The following CEP192 variants were observed in gnomAD, a reference collection of about 807,000 sequenced individuals.
CEP192 encodes centrosomal protein of 192 kDa.
Under a neutral mutation model 271.8 loss-of-function variants are expected in CEP192, and 151 were observed. That is an observed-to-expected ratio of 0.56 (90% CI 0.49 to 0.64). CEP192 has a LOEUF of 0.64. CEP192 is among the 30% of genes least tolerant of loss of function. The probability of loss-of-function intolerance (pLI) is 0.00; values close to 1 mark genes in which losing one functional copy is unlikely to be tolerated. For synonymous variants in CEP192, 995 were observed against 1,076.5 expected, an observed-to-expected ratio of 0.92 and a Z score of 1.48; for missense variants, 2,910 against 3,020.5, an observed-to-expected ratio of 0.96 and a Z score of 0.86.
chr18:13,102,145 C>T (rs1275378094), intron 38 of CEP192, among the ~76,000 whole-genome samples: 1 of 152,054 alleles, frequency 6.6e-6, no homozygotes. Flanking sequence ...CCCCCCACAG[C>T]TGGGGGCCCT....
intron 30 of CEP192, among the ~76,000 whole-genome samples, chr18:13,081,576 C>A (rs1351601611): frequency 2.0e-5 from 3 of 152,044 alleles, no homozygotes; most frequent in African/African-American, 7.2e-5. Flanking sequence ...TTGATCTTTT[C>A]AAAAAACCAG....
chr18:13,009,008 C>CTTT (rs1193857966), intron 4 of CEP192, among the ~76,000 whole-genome samples: 5 of 113,534 alleles, frequency 4.4e-5, no homozygotes, highest in Non-Finnish European at 5.0e-5. Flanking sequence ...TGTGCCTGGC[C>CTTT]TTTTTGTTTT....
chr18:13,014,427 A>T (rs1322954081), intron 5 of CEP192, among the ~76,000 whole-genome samples: 1 of 152,114 alleles, frequency 6.6e-6, no homozygotes, highest in East Asian at 1.9e-4. Context: ...CAGAATGGAG[A>T]CATTTTCCAG....
rs938578484 is a variant in CEP192 at position 13,017,089 on chromosome 18, C to T, written c.641-99C>T. 1.3e-5 allele frequency: 11 copies of T among 858,262 alleles called. No individual in the cohort carries two copies. In the South Asian group the frequency reaches 1.6e-4, roughly 12 times the overall value. 53.2% of individuals were successfully genotyped at this position (858,262 alleles called of 1,614,324 possible). A position where few individuals can be genotyped will look rare whatever the true frequency, so the allele number is the denominator to read the frequency against. ...ACAAAAAAGACACCAAAATCTTAGT[C>T]CATTGACTCATTTATGTCTTATCGG... On this transcript the variant is annotated intron_variant, in intron 6 of 44. Coordinates refer to ENST00000506447, the MANE Select transcript of CEP192 (RefSeq NM_032142.4).
intron 30 of CEP192, among the ~76,000 whole-genome samples, chr18:13,085,982 T>C (rs2038878415): frequency 6.6e-6 from 1 of 152,134 alleles, no homozygotes; most frequent in Admixed American, 6.5e-5. Flanking sequence ...TATAAATTAC[T>C]TTGGGCAGTA....
chr18:13,073,037 G>T lies in CEP192; in HGVS notation c.5468G>T (p.Arg1823Leu), dbSNP rs1598515788. The T allele has an allele frequency of 6.2e-7, 1 of 1,611,648 alleles. No homozygotes were observed. The highest frequency in any genetic ancestry group is 8.5e-7 in the Non-Finnish European group (1 of 1,179,328). ...CAGAACACTTTTGGTTCAGAACAGC[G>T]ATTGACCAGTAACTGTGAGATCAGA... ...QLQNTFGSEQ[R>L]LTSNCEIRIH... Residue 1823 changes from arginine to leucine, a missense_variant, in exon 30 of 45, where the codon CGA becomes CTA. By Grantham distance (102) the Arg-to-Leu change is moderately radical. Transcript: ENST00000506447.
rs774921959 is a variant in CEP192 at position 13,068,920 on chromosome 18, C to T, written c.4891C>T (p.Pro1631Ser). 10 of 1,614,142 alleles carry T rather than the reference C, an allele frequency of 6.2e-6. No homozygotes were observed. Among genetic ancestry groups the T allele is most frequent in the Non-Finnish European group, 8.5e-6 (10 of 1,180,020 alleles). ...CGAAGTTGACAGCCCAAACCCTACGCCCGTTCTTAGAAGTGTGAGTCTCCG... is the reference window on the plus strand; with the variant it reads ...CGAAGTTGACAGCCCAAACCCTACGTCCGTTCTTAGAAGTGTGAGTCTCCG... ...DIEVDSPNPT[P>S]VLRSVSLRAR... is the part of the protein sequence containing the mutation. The change falls in exon 25 of 45, where the codon CCC becomes TCC. Residue 1631 changes from proline to serine, a missense_variant. Coordinates refer to ENST00000506447, the MANE Select transcript of CEP192 (RefSeq NM_032142.4).
chr18:13,100,234 TA>T (rs541874342), intron 37 of CEP192, 70 bp from the exon 38 acceptor site: 44 of 1,058,322 alleles, frequency 4.2e-5, no homozygotes, highest in Admixed American at 1.5e-4. Context: ...TACCATGGTT[TA>T]AAAATGGAAT....
intron 4 of CEP192, among the ~76,000 whole-genome samples, chr18:13,012,368 C>T (rs1165137772): frequency 6.6e-6 from 1 of 152,188 alleles, no homozygotes; most frequent in African/African-American, 2.4e-5. Context: ...TGCATCATCT[C>T]TCCTTTTCAC....
intron 1 of CEP192, among the ~76,000 whole-genome samples, chr18:12,993,283 G>T (rs1048534610): frequency 3.9e-5 from 6 of 152,134 alleles, no homozygotes; most frequent in Non-Finnish European, 8.8e-5. Flanking sequence ...AACAAGTTTG[G>T]TTTTGTATTT....
chr18:12,993,886 ATTCT>A (rs951905747), intron 1 of CEP192, among the ~76,000 whole-genome samples: 6 of 152,204 alleles, frequency 3.9e-5, no homozygotes, highest in African/African-American at 9.6e-5. Flanking sequence ...GGGGTTATAG[ATTCT>A]TTCTTAAAAC....
chr18:13,014,180 C>T (rs1201951203), intron 5 of CEP192, among the ~76,000 whole-genome samples: 1 of 151,958 alleles, frequency 6.6e-6, no homozygotes, highest in Non-Finnish European at 1.5e-5. Flanking sequence ...GTTTCAAGTG[C>T]GAGAGATGCT....
rs750354920 is a variant in CEP192 at position 13,048,957 on chromosome 18, T to C, written c.2166T>C (p.Ile722=). The C allele has an allele frequency of 8.1e-6, 13 of 1,613,978 alleles. No homozygotes were observed. Among genetic ancestry groups the C allele is most frequent in the Admixed American group, 1.7e-5 (1 of 60,026 alleles). Residue 722 remains isoleucine, a synonymous_variant, in exon 16 of 45, where the codon ATT becomes ATC. Transcript: ENST00000506447. The part of the protein sequence containing the change: ...MLRISTIASA[I]AEASVNTDPS... ...GGATCAGCACCATTGCTTCAGCCATTGCAGAGGCATCAGTTAATACTGATC... is the reference window on the plus strand; with the variant it reads ...GGATCAGCACCATTGCTTCAGCCATCGCAGAGGCATCAGTTAATACTGATC...
chr18:13,019,614 T>A (rs1346725183), intron 9 of CEP192, among the ~76,000 whole-genome samples: 2 of 152,200 alleles, frequency 1.3e-5, no homozygotes, highest in African/African-American at 4.8e-5. Context: ...ATGCCCTTTT[T>A]AAATAGTGTT....
At chr18:13,057,506 A>G in intron 19 of CEP192, 79 bp from the exon 20 acceptor site, 1 of 1,509,016 alleles carries the variant, frequency 6.6e-7, no homozygotes, top group Admixed American at 1.8e-5. Context: ...TTATAAACTC[A>G]TTGCCATTTA....
rs192349833 is a variant in CEP192 at position 13,082,331 on chromosome 18, G to A, written c.5617-4686G>A. ...ATATTTAGGATAGTTAGCTCTTCTC[G>A]TTGAATTGATCTCTTATGATTATAT... On this transcript the variant is annotated intron_variant, in intron 30 of 44. Coordinates refer to ENST00000506447, the MANE Select transcript of CEP192 (RefSeq NM_032142.4). 4.4e-4 allele frequency among the ~76,000 whole-genome samples: 67 copies of A among 150,928 alleles called. 1 individual carries two copies. The highest frequency in any genetic ancestry group is 2.4e-3 in the Admixed American group (36 of 15,136).
At chr18:13,085,240 AT>A (rs927333044) in intron 30 of CEP192, among the ~76,000 whole-genome samples, 4 of 150,324 alleles carry the variant, frequency 2.7e-5, no homozygotes, top group African/African-American at 4.9e-5. Flanking sequence ...TTTTGATGGG[AT>A]TTTTTTTTCT....
At chr18:13,079,573 C>A (rs1288256265) in intron 30 of CEP192, among the ~76,000 whole-genome samples, 1 of 152,048 alleles carries the variant, frequency 6.6e-6, no homozygotes, top group East Asian at 1.9e-4. Flanking sequence ...AAATTTTCTC[C>A]CATTCTGTAG....
chr18:13,097,627 C>CT (rs1241957463), intron 36 of CEP192, among the ~76,000 whole-genome samples: 260 of 115,648 alleles, frequency 2.2e-3, no homozygotes, highest in Admixed American at 3.9e-3. Flanking sequence ...GTTTTCTTTT[C>CT]TTTTTTTTTT....
Sources: gnomAD v4.1 joint callset for allele counts (sites outside exome capture counted in the v4.1 genomes callset) on GRCh38, gnomAD v4.1.1 for gene constraint, MANE v1.5 for transcripts, NCBI Gene and HGNC (gene_info 2026-07-23, HGNC 2026-07-21) for gene names.